Variants in SLC6A16 observed in about 807,000 individuals in gnomAD.
SLC6A16 encodes the protein solute carrier family 6 member 16.
SLC6A16 carries 54 observed loss-of-function variants against 65.4 expected under a neutral mutation model. The ratio of observed to expected loss-of-function variants is 0.83; its 90% CI spans 0.66 to 1.04. SLC6A16 has a LOEUF of 1.04. Among genes scored for constraint, SLC6A16 ranks in the 50% least tolerant of loss-of-function variants. The probability of loss-of-function intolerance (pLI) is 0.00; values close to 1 mark genes in which losing one functional copy is unlikely to be tolerated. For synonymous variants in SLC6A16, 330 were observed against 346.5 expected (o/e 0.95, Z 0.53); for missense variants, 816 against 914.0 (o/e 0.89, Z 1.38).
Position 49,310,368 on chromosome 19 carries a change from C to A in SLC6A16, c.558G>T (p.Gly186=), listed in dbSNP as rs1349029232. 4.3e-6 allele frequency: 7 copies of A among 1,613,930 alleles called. No individual in the cohort carries two copies. Among genetic ancestry groups the A allele is most frequent in the Middle Eastern group, 1.6e-4 (1 of 6,084 alleles). Reference sequence around the variant, plus strand: ...GGCTCCTCACCATGAAGCTAGAATACCCCACACCACCAATCCAGGGGGCAA... The same window carrying A: ...GGCTCCTCACCATGAAGCTAGAATAACCCACACCACCAATCCAGGGGGCAA... ...KIIAPWIGGV[G]YSSFMVCFIL... The change falls in exon 3 of 12, where the codon GGG becomes GGT. Residue 186 remains glycine, a synonymous_variant. Coordinates refer to ENST00000335875, the MANE Select transcript of SLC6A16 (RefSeq NM_014037.3).
chr19:49,294,243 A>T, intron 8 of SLC6A16, 124 bp downstream of exon 8: 1 of 1,003,482 alleles, frequency 1.0e-6, no homozygotes, highest in Non-Finnish European at 1.5e-6. Flanking sequence ...ACTTTGTATT[A>T]CTGAGAGCCA....
intron 7 of SLC6A16, chr19:49,306,111 A>C (rs1247918369): frequency 6.6e-6 from 1 of 152,290 alleles, no homozygotes; most frequent in South Asian, 2.1e-4. Context: ...GTCCTGGCTA[A>C]CACGGTGAAA....
At chr19:49,311,585 C>T (rs1970523529) in intron 1 of SLC6A16, among the ~76,000 whole-genome samples, 174 bp from the exon 2 acceptor site, 1 of 152,048 alleles carries the variant, frequency 6.6e-6, no homozygotes, top group African/African-American at 2.4e-5. Context: ...CGTGGTGGCT[C>T]ACGCTGTAAT....
intron 1 of SLC6A16, among the ~76,000 whole-genome samples, chr19:49,314,929 C>T (rs1258297773): frequency 6.6e-6 from 1 of 151,990 alleles, no homozygotes. Flanking sequence ...TTTAAACTTC[C>T]AAGCACCTGC....
At position 49,292,631 on chromosome 19, in the gene SLC6A16, C is replaced by T. The variant is rs1055358466; in HGVS notation, c.1778+592G>A. 6.6e-6 allele frequency among the ~76,000 whole-genome samples: 1 copy of T among 152,210 alleles called. No homozygotes were observed. Among genetic ancestry groups the T allele is most frequent in the African/African-American group, 2.4e-5 (1 of 41,464 alleles). On this transcript the variant is annotated intron_variant, in intron 10 of 11. Coordinates refer to ENST00000335875, the MANE Select transcript of SLC6A16 (RefSeq NM_014037.3). The surrounding 1 kb of genome is among the most constrained non-coding windows in gnomAD (Gnocchi z 4.3). ...GCCACCATCACTTCTCTAGCCCCAT[C>T]TCCTAATATCTTCTATTCCAGCCTC...
At chr19:49,291,177 C>T (rs1356017650) in intron 10 of SLC6A16, among the ~76,000 whole-genome samples, 1 of 152,040 alleles carries the variant, frequency 6.6e-6, no homozygotes, top group Non-Finnish European at 1.5e-5. Flanking sequence ...ATCCAGTCTC[C>T]TTTAGTACAT....
Position 49,292,225 on chromosome 19 carries a change from G to A in SLC6A16, c.1778+998C>T, listed in dbSNP as rs991046152. 2.2e-4 allele frequency among the ~76,000 whole-genome samples: 33 copies of A among 152,040 alleles called. No homozygotes were observed. The highest frequency in any genetic ancestry group is 7.5e-4 in the African/African-American group (31 of 41,402). Reference sequence around the variant, plus strand: ...CTACTAAGAATACAAAAATTAGCCGGGCGTGGTGGTGAATGCCTGTAATCC... The same window carrying A: ...CTACTAAGAATACAAAAATTAGCCGAGCGTGGTGGTGAATGCCTGTAATCC... On this transcript the variant is annotated intron_variant, in intron 10 of 11. Transcript: ENST00000335875. This position sits in a 1 kb window ranked among gnomAD's most constrained non-coding sequence, Gnocchi z 4.3.
chr19:49,337,989 A>G, the SLC6A16 span: 2 of 1,614,052 alleles, frequency 1.2e-6, no homozygotes, highest in Non-Finnish European at 1.7e-6. Flanking sequence ...AACCCCGAGG[A>G]GACCGCGGCC....
chr19:49,293,748 G>A, intron 9 of SLC6A16, 79 bp downstream of exon 9: 1 of 1,298,030 alleles, frequency 7.7e-7, no homozygotes, highest in Non-Finnish European at 1.1e-6. Flanking sequence ...TGGGCTACAG[G>A]GACCCTGTCC....
At chr19:49,298,712 C>A (rs1013475748) in intron 7 of SLC6A16, among the ~76,000 whole-genome samples, 18 of 152,092 alleles carry the variant, frequency 1.2e-4, no homozygotes, top group Non-Finnish European at 2.2e-4. Context: ...GGTCTATATA[C>A]CCAAAGGAAA....
intron 7 of SLC6A16, among the ~76,000 whole-genome samples, chr19:49,302,933 G>A (rs1286843182): frequency 6.6e-6 from 1 of 152,102 alleles, no homozygotes; most frequent in East Asian, 1.9e-4. Context: ...CATCCAGTCA[G>A]AGGAGAAAAA....
chr19:49,335,283 A>G, the SLC6A16 span: 1 of 514,562 alleles, frequency 1.9e-6, no homozygotes, highest in Non-Finnish European at 3.5e-6. This position sits in a 1 kb window ranked among gnomAD's most constrained non-coding sequence, Gnocchi z 4.6. Context: ...ACAAATTCCA[A>G]GGCCCCTCAG....
chr19:49,294,236 T>G, intron 8 of SLC6A16, 131 bp downstream of exon 8: 1 of 974,050 alleles, frequency 1.0e-6, no homozygotes, highest in Non-Finnish European at 1.5e-6. Flanking sequence ...GTATAGTACT[T>G]TGTATTACTG....
the SLC6A16 span, chr19:49,337,941 G>T: frequency 1.2e-6 from 2 of 1,614,080 alleles, no homozygotes; most frequent in Non-Finnish European, 8.5e-7. Context: ...CGAAGCTTGC[G>T]GGACGTCGTA....
intron 6 of SLC6A16, 83 bp from the exon 7 acceptor site, chr19:49,309,200 G>C (rs909009433): frequency 1.9e-6 from 3 of 1,593,774 alleles, no homozygotes; most frequent in Non-Finnish European, 1.7e-6. Context: ...AGGGAGGAGA[G>C]AGGGAGATAC....
chr19:49,309,803 G>T lies in SLC6A16; in HGVS notation c.724C>A (p.Pro242Thr), dbSNP rs1568534287. The change falls in exon 5 of 12, where the codon CCC (proline) becomes ACC (threonine). Residue 242 changes from proline (P) to threonine (T), a missense_variant. Coordinates refer to ENST00000335875, the MANE Select transcript of SLC6A16 (RefSeq NM_014037.3). ...GFDPECERTTPSIYFWYQQAL... is the reference protein window; with the variant it reads ...GFDPECERTTTSIYFWYQQAL... ...TGCTGGTACCAGAAGTATATGGAGGGTGTTGTCCGTTCACATTCAGGATCT... is the reference window on the plus strand; with the variant it reads ...TGCTGGTACCAGAAGTATATGGAGGTTGTTGTCCGTTCACATTCAGGATCT... 3 of 1,612,848 alleles carry T rather than the reference G, an allele frequency of 1.9e-6. No individual in the cohort carries two copies. Among genetic ancestry groups the T allele is most frequent in the Admixed American group, 3.3e-5 (2 of 59,960 alleles).
the SLC6A16 span, chr19:49,336,908 G>C: frequency 1.9e-6 from 3 of 1,614,062 alleles, no homozygotes; most frequent in Non-Finnish European, 2.5e-6. Context: ...ACCTCTCCCA[G>C]GCTTGGCCTT....
At chr19:49,294,628 G>C (rs1970151168) in intron 7 of SLC6A16, 75 bp from the exon 8 acceptor site, 1 of 1,320,262 alleles carries the variant, frequency 7.6e-7, no homozygotes, top group Non-Finnish European at 1.0e-6. Context: ...TTATCTTCAA[G>C]ATAAAAAAGG....
intron 7 of SLC6A16, among the ~76,000 whole-genome samples, chr19:49,300,296 C>T (rs1970264794): frequency 6.6e-6 from 1 of 152,110 alleles, no homozygotes; most frequent in Non-Finnish European, 1.5e-5. Context: ...TGAGATTGCA[C>T]CACTGCTCTC....
Sources: gnomAD v4.1 joint callset for allele counts (sites outside exome capture counted in the v4.1 genomes callset) on GRCh38, gnomAD v4.1.1 for gene constraint, Gnocchi (gnomAD v3.1) non-coding constraint, MANE v1.5 for transcripts, NCBI Gene and HGNC (gene_info 2026-07-23, HGNC 2026-07-21) for gene names.